Variants in ADCY2 observed in about 807,000 individuals in gnomAD.
ADCY2 encodes adenylate cyclase type 2.
Under a neutral mutation model 125.2 loss-of-function variants are expected in ADCY2, and 31 were observed. The observed-to-expected ratio is 0.25, with a 90% CI of 0.19 to 0.33. ADCY2 has a LOEUF of 0.33. Ranked by LOEUF, ADCY2 falls within the 10% of genes least tolerant of loss-of-function variation. The pLI is 1.00. For synonymous variants in ADCY2, 512 were observed against 548.4 expected (o/e 0.93, Z 0.93); for missense variants, 904 against 1,418.2 (o/e 0.64, Z 5.82).
chr5:7,823,695 A>G (rs1230096474), intron 24 of ADCY2, among the ~76,000 whole-genome samples: 2 of 152,164 alleles, frequency 1.3e-5, no homozygotes, highest in Admixed American at 6.5e-5. Flanking sequence ...GATTTATGGC[A>G]GTTTTTAATA....
chr5:7,766,844 C>T (rs1401456266), intron 17 of ADCY2, 38 bp downstream of exon 17: 2 of 1,599,748 alleles, frequency 1.3e-6, no homozygotes, highest in African/African-American at 2.7e-5. Flanking sequence ...TGGTGGCTCT[C>T]CTGTATGCTC....
At chr5:7,550,678 C>T (rs567472532) in intron 3 of ADCY2, among the ~76,000 whole-genome samples, 1 of 152,220 alleles carries the variant, frequency 6.6e-6, no homozygotes, top group African/African-American at 2.4e-5. Flanking sequence ...TGCCTCTGGG[C>T]CCAGTCCACT....
At chr5:7,501,495 T>C (rs1320414211) in intron 2 of ADCY2, among the ~76,000 whole-genome samples, 1 of 152,140 alleles carries the variant, frequency 6.6e-6, no homozygotes, top group Non-Finnish European at 1.5e-5. Context: ...AATGGTGTAA[T>C]CTGGCTTGGG....
chr5:7,671,619 T>G (rs758874250), intron 4 of ADCY2, among the ~76,000 whole-genome samples: 3 of 152,186 alleles, frequency 2.0e-5, no homozygotes, highest in South Asian at 2.1e-4. Flanking sequence ...TACTTGGTGA[T>G]GAAAAAAAAA....
chr5:7,675,432 C>G (rs1315555282), intron 4 of ADCY2, among the ~76,000 whole-genome samples: 1 of 152,130 alleles, frequency 6.6e-6, no homozygotes, highest in Non-Finnish European at 1.5e-5. Flanking sequence ...ACTGGGATGA[C>G]CAATGTAAGT....
chr5:7,810,768 T>C (rs1192947330), intron 22 of ADCY2, among the ~76,000 whole-genome samples: 1 of 152,122 alleles, frequency 6.6e-6, no homozygotes, highest in Non-Finnish European at 1.5e-5. Context: ...GGGAGTGTTC[T>C]CTCCACTACT....
chr5:7,543,093 G>A (rs1414556569), intron 3 of ADCY2, among the ~76,000 whole-genome samples: 1 of 152,076 alleles, frequency 6.6e-6, no homozygotes, highest in Non-Finnish European at 1.5e-5. Flanking sequence ...TACATCCTAT[G>A]TTATATGATA....
intron 1 of ADCY2, among the ~76,000 whole-genome samples, chr5:7,410,676 A>G (rs1561009807): frequency 6.6e-6 from 1 of 152,172 alleles, no homozygotes; most frequent in Non-Finnish European, 1.5e-5. Context: ...ACATTTTAGT[A>G]TATTTTAGGT....
At chr5:7,527,571 A>C (rs549317312) in intron 3 of ADCY2, among the ~76,000 whole-genome samples, 2 of 152,352 alleles carry the variant, frequency 1.3e-5, no homozygotes, top group East Asian at 3.9e-4. Context: ...CCAGTTATGC[A>C]AGAATCCATA....
intron 4 of ADCY2, among the ~76,000 whole-genome samples, chr5:7,628,765 T>C (rs1195383135): frequency 1.3e-5 from 2 of 151,934 alleles, no homozygotes; most frequent in African/African-American, 4.8e-5. Context: ...ATGAGATGTG[T>C]TTGTACTTTT....
chr5:7,718,019 A>AATTT (rs1741646362), intron 12 of ADCY2, among the ~76,000 whole-genome samples: 1 of 152,152 alleles, frequency 6.6e-6, no homozygotes, highest in Non-Finnish European at 1.5e-5. Context: ...AGACCTATTT[A>AATTT]ATTTTTATCA....
chr5:7,548,065 T>C (rs1004784), intron 3 of ADCY2, among the ~76,000 whole-genome samples: 46,907 of 152,142 alleles, frequency 0.31, 8,309 homozygotes, highest in Non-Finnish European at 0.41. Flanking sequence ...GCTGCTTCCA[T>C]TGACACCTGC....
At chr5:7,794,236 G>C (rs1236442307) in intron 20 of ADCY2, 2 of 152,196 alleles carry the variant, frequency 1.3e-5, no homozygotes, top group Non-Finnish European at 1.5e-5. Flanking sequence ...TCCCTTGGCT[G>C]TAACATTTCA....
intron 3 of ADCY2, among the ~76,000 whole-genome samples, chr5:7,557,311 A>G (rs1735557716): frequency 6.6e-6 from 1 of 151,534 alleles, no homozygotes; most frequent in South Asian, 2.1e-4. Context: ...TTGCACAACC[A>G]TGGGACTGGT....
chr5:7,821,573 A>C (rs2126541897), intron 24 of ADCY2, among the ~76,000 whole-genome samples: 1 of 152,336 alleles, frequency 6.6e-6, no homozygotes, highest in Non-Finnish European at 1.5e-5. Flanking sequence ...TGGCTACAGC[A>C]TGAGCAAGTC....
chr5:7,733,181 A>G (rs1466740324), intron 14 of ADCY2, among the ~76,000 whole-genome samples: 2 of 152,204 alleles, frequency 1.3e-5, no homozygotes, highest in Non-Finnish European at 1.5e-5. Flanking sequence ...AAAAACTAAG[A>G]ATAATGATGT....
At chr5:7,615,588 G>T (rs2126648141) in intron 3 of ADCY2, among the ~76,000 whole-genome samples, 1 of 152,218 alleles carries the variant, frequency 6.6e-6, no homozygotes, top group South Asian at 2.1e-4. Flanking sequence ...TAATTAATTT[G>T]TATATTTATT....
At position 7,708,506 on chromosome 5, in the gene ADCY2, T is replaced by A. The variant is rs546972263; in HGVS notation, c.1401+668T>A. On this transcript the variant is annotated intron_variant, in intron 9 of 24. Coordinates refer to ENST00000338316, the MANE Select transcript of ADCY2 (RefSeq NM_020546.3). Reference sequence around the variant, plus strand: ...TCAAATTCCTGCCAAATGGGTATTATCACTATTTACAGATTAAGAATCTGA... The same window carrying A: ...TCAAATTCCTGCCAAATGGGTATTAACACTATTTACAGATTAAGAATCTGA... 1.8e-3 allele frequency among the ~76,000 whole-genome samples: 276 copies of A among 152,294 alleles called. 2 individuals carry two copies. Among genetic ancestry groups the A allele is most frequent in the African/African-American group, 6.4e-3 (265 of 41,568 alleles).
intron 20 of ADCY2, among the ~76,000 whole-genome samples, chr5:7,792,971 A>G (rs2126509372): frequency 6.6e-6 from 1 of 152,328 alleles, no homozygotes; most frequent in East Asian, 1.9e-4. Flanking sequence ...CAGGTGGGAT[A>G]CGCATGAGAG....
Sources: gnomAD v4.1 joint callset for allele counts (sites outside exome capture counted in the v4.1 genomes callset) on GRCh38, gnomAD v4.1.1 for gene constraint, MANE v1.5 for transcripts, NCBI Gene and HGNC (gene_info 2026-07-23, HGNC 2026-07-21) for gene names.